The following FBXO4 variants were observed in gnomAD, a reference collection of about 807,000 sequenced individuals.
FBXO4 encodes the protein F-box only protein 4.
In FBXO4, 36 loss-of-function variants were observed where a neutral mutation model predicts 43.7. The observed-to-expected ratio is 0.82, with a 90% CI of 0.63 to 1.09. The LOEUF (loss-of-function observed/expected upper bound fraction) is 1.09. FBXO4 is among the 50% of genes least tolerant of loss of function. The probability of loss-of-function intolerance (pLI) is 0.00; values close to 1 mark genes in which losing one functional copy is unlikely to be tolerated. For synonymous variants in FBXO4, 180 were observed against 165.6 expected, an observed-to-expected ratio of 1.09 and a Z score of -0.67; for missense variants, 435 against 474.1, an observed-to-expected ratio of 0.92 and a Z score of 0.77.
downstream of FBXO4, among the ~76,000 whole-genome samples, chr5:41,945,951 A>G (rs537111123): frequency 1.8e-3 from 279 of 152,312 alleles, no homozygotes; most frequent in African/African-American, 6.6e-3. Context: ...TGCACACACT[A>G]TATTGTAAAT....
chr5:42,032,638 C>A, the FBXO4 span, among the ~76,000 whole-genome samples: 1 of 152,160 alleles, frequency 6.6e-6, no homozygotes, highest in Non-Finnish European at 1.5e-5. Flanking sequence ...GTGGGCTCCC[C>A]TCTGGCCCAG....
the FBXO4 span, among the ~76,000 whole-genome samples, chr5:41,957,044 T>C: frequency 1.4e-4 from 22 of 152,216 alleles, no homozygotes; most frequent in South Asian, 3.5e-3. Context: ...TTTCTAATGA[T>C]TTCTATATTG....
At chr5:41,969,910 A>G in the FBXO4 span, among the ~76,000 whole-genome samples, 18 of 152,116 alleles carry the variant, frequency 1.2e-4, no homozygotes, top group Admixed American at 1.2e-3. Context: ...CTTGAGTTCT[A>G]TTTTAAATAG....
the FBXO4 span, among the ~76,000 whole-genome samples, chr5:41,964,423 A>C: frequency 3.1e-4 from 47 of 152,082 alleles, no homozygotes; most frequent in African/African-American, 1.0e-3. Flanking sequence ...ATAAAAAAAA[A>C]CCTTTAATCA....
the FBXO4 span, among the ~76,000 whole-genome samples, chr5:42,003,643 A>C: frequency 3.4e-5 from 5 of 149,106 alleles, no homozygotes; most frequent in African/African-American, 1.2e-4. Flanking sequence ...TACATTAGGT[A>C]TTTCTCCTAA....
At chr5:42,032,949 G>T in the FBXO4 span, among the ~76,000 whole-genome samples, 1 of 152,106 alleles carries the variant, frequency 6.6e-6, no homozygotes, top group Non-Finnish European at 1.5e-5. Context: ...ATTAGCAAAT[G>T]ATGAATGCTC....
At chr5:41,997,620 G>C in the FBXO4 span, among the ~76,000 whole-genome samples, 1 of 152,100 alleles carries the variant, frequency 6.6e-6, no homozygotes, top group Non-Finnish European at 1.5e-5. Flanking sequence ...AGTTGGACCT[G>C]AGCTAAAACT....
At chr5:41,999,446 A>AGTGTGTGT in the FBXO4 span, among the ~76,000 whole-genome samples, 18 of 107,762 alleles carry the variant, frequency 1.7e-4, no homozygotes, top group African/African-American at 6.5e-4. Context: ...TATATATGTG[A>AGTGTGTGT]GTGTGTGTGT....
chr5:41,949,449 G>T, the FBXO4 span, among the ~76,000 whole-genome samples: 1 of 152,136 alleles, frequency 6.6e-6, no homozygotes, highest in African/African-American at 2.4e-5. Flanking sequence ...AATCATGAGT[G>T]AACTCCCATT....
chr5:41,977,007 A>C, the FBXO4 span, among the ~76,000 whole-genome samples: 1 of 152,146 alleles, frequency 6.6e-6, no homozygotes, highest in South Asian at 2.1e-4. Flanking sequence ...TGTGACCTTC[A>C]AAGCTGTGGC....
the FBXO4 span, among the ~76,000 whole-genome samples, chr5:42,001,718 G>T: frequency 6.6e-6 from 1 of 152,110 alleles, no homozygotes; most frequent in African/African-American, 2.4e-5. Flanking sequence ...TTGAGACGGA[G>T]TCTCACTCTG....
At chr5:41,944,375 G>A (rs1752046700), downstream of FBXO4, among the ~76,000 whole-genome samples, 1 of 152,082 alleles carries the variant, frequency 6.6e-6, no homozygotes, top group Non-Finnish European at 1.5e-5. Flanking sequence ...GTTGAGAAAC[G>A]TTCAATGGTT....
chr5:41,987,652 A>G, the FBXO4 span, among the ~76,000 whole-genome samples: 1 of 152,220 alleles, frequency 6.6e-6, no homozygotes, highest in Non-Finnish European at 1.5e-5. Context: ...TATGCTAAGA[A>G]TATTCAAGTT....
At chr5:42,014,617 T>G in the FBXO4 span, among the ~76,000 whole-genome samples, 1 of 152,140 alleles carries the variant, frequency 6.6e-6, no homozygotes, top group Admixed American at 6.6e-5. Flanking sequence ...CTTCACTAGG[T>G]TTTTTAACAC....
chr5:42,003,200 G>C, the FBXO4 span, among the ~76,000 whole-genome samples: 1 of 152,192 alleles, frequency 6.6e-6, no homozygotes, highest in Non-Finnish European at 1.5e-5. Flanking sequence ...AATTAGATAA[G>C]TTGTGGAGTT....
chr5:41,945,804 C>T (rs556604838), downstream of FBXO4, among the ~76,000 whole-genome samples: 39 of 152,234 alleles, frequency 2.6e-4, no homozygotes, highest in Non-Finnish European at 4.4e-4. Context: ...CTGGTCTAAC[C>T]GGTTGTCTAG....
At chr5:42,029,961 A>C in the FBXO4 span, among the ~76,000 whole-genome samples, 1 of 152,164 alleles carries the variant, frequency 6.6e-6, no homozygotes, top group Admixed American at 6.6e-5. Flanking sequence ...AAAAGAGGAT[A>C]CAAACAAATG....
the FBXO4 span, chr5:41,967,359 G>T: frequency 2.1e-6 from 1 of 484,090 alleles, no homozygotes. Flanking sequence ...ATCTTGAACT[G>T]TATCTATTCC....
the FBXO4 span, among the ~76,000 whole-genome samples, chr5:42,039,926 C>A: frequency 2.6e-5 from 4 of 152,042 alleles, no homozygotes; most frequent in South Asian, 4.1e-4. Flanking sequence ...AAGCATCCTG[C>A]CCTGAGTTCC....
Sources: gnomAD v4.1 joint callset for allele counts (sites outside exome capture counted in the v4.1 genomes callset) on GRCh38, gnomAD v4.1.1 for gene constraint, MANE v1.5 for transcripts, NCBI Gene and HGNC (gene_info 2026-07-23, HGNC 2026-07-21) for gene names.